Variants in SVEP1 observed in about 807,000 individuals in gnomAD.
SVEP1 encodes sushi, von Willebrand factor type A, EGF and pentraxin domain-containing protein 1.
A neutral mutation model predicts 367.3 loss-of-function variants in SVEP1; 164 were observed. The observed-to-expected ratio is 0.45, with a 90% CI of 0.39 to 0.51. The LOEUF is 0.51. Among genes scored for constraint, SVEP1 ranks in the 20% least tolerant of loss-of-function variants. The pLI is 0.00. For synonymous variants in SVEP1, 1,666 were observed against 1,611.6 expected (o/e 1.03, Z -0.81); for missense variants, 4,117 against 4,425.3 (o/e 0.93, Z 1.98).
chr9:110,486,358 G>A (rs1043924938), intron 9 of SVEP1, among the ~76,000 whole-genome samples: 6 of 152,142 alleles, frequency 3.9e-5, no homozygotes, highest in Admixed American at 6.5e-5. Context: ...AATTGGAGGC[G>A]ACAGCAGATG....
At position 110,365,288 on chromosome 9, in the gene SVEP1, A is replaced by G. The variant is rs913519016; in HGVS notation, c.*1251T>C. 6 of 152,192 alleles carry G rather than the reference A, an allele frequency of 3.9e-5. No individual in the cohort carries two copies. The highest frequency in any genetic ancestry group is 2.6e-4 in the Admixed American group (4 of 15,280). The allele number at this position is 152,192 out of a possible 1,614,324, so 9.4% of individuals were successfully genotyped here. ...ACTATGAGTAAATTTATTGGAAAGT[A>G]GACTCATAAGCATGTAAGACTGGCC... On this transcript the variant is annotated 3_prime_UTR_variant, in exon 48 of 48. Coordinates refer to ENST00000374469, the MANE Select transcript of SVEP1 (RefSeq NM_153366.4).
chr9:110,457,250 A>G lies in SVEP1; in HGVS notation c.3673+6T>C, dbSNP rs1588062733. On this transcript the variant is annotated splice_donor_region_variant and intron_variant, in intron 21 of 47. Transcript: ENST00000374469. The stretch of plus-strand genomic sequence containing the variant: ...ATTAAAATCTACATTCCTCTTGGTT[A>G]TTTACCTGTATATCCAAGTGGACAG... 6.3e-7 allele frequency: 1 copy of G among 1,585,626 alleles called. No homozygotes were observed. Among genetic ancestry groups the G allele is most frequent in the East Asian group, 2.2e-5 (1 of 44,614 alleles).
intron 41 of SVEP1, among the ~76,000 whole-genome samples, chr9:110,387,812 T>C (rs1165488690): frequency 6.6e-6 from 1 of 152,224 alleles, no homozygotes; most frequent in Admixed American, 6.5e-5. Context: ...ATTTATTTCT[T>C]ACAACACTTA....
chr9:110,494,530 A>G (rs1829417036), intron 8 of SVEP1, among the ~76,000 whole-genome samples: 1 of 152,206 alleles, frequency 6.6e-6, no homozygotes, highest in Non-Finnish European at 1.5e-5. Flanking sequence ...AGACTATTCA[A>G]TATCAGTTAC....
In SVEP1 at chr9:110,521,683, T is replaced by G. The variant is rs538171270; in HGVS notation, c.965-7577A>C. On this transcript the variant is annotated intron_variant, in intron 3 of 47. Transcript: ENST00000374469. The stretch of plus-strand genomic sequence containing the variant: ...TTGTTGAAAGCTCTGTATTCTTTAT[T>G]GTCTTAAAGTGTTTACCATCTGGAT... 3.9e-5 allele frequency among the ~76,000 whole-genome samples: 6 copies of G among 152,346 alleles called. No individual in the cohort carries two copies. In the East Asian group the frequency reaches 1.2e-3, roughly 29 times the overall value.
intron 3 of SVEP1, among the ~76,000 whole-genome samples, chr9:110,536,904 A>G (rs1171012529): frequency 6.6e-6 from 1 of 151,972 alleles, no homozygotes; most frequent in African/African-American, 2.4e-5. Flanking sequence ...TTCATCTTGC[A>G]TAACTAAAAC....
intron 22 of SVEP1, among the ~76,000 whole-genome samples, chr9:110,451,811 A>AAAAT (rs1171686366): frequency 6.6e-6 from 1 of 152,226 alleles, no homozygotes; most frequent in Non-Finnish European, 1.5e-5. Flanking sequence ...TTGAATGAAG[A>AAAAT]AAATAACTCA....
At chr9:110,555,762 T>C (rs923218254) in intron 1 of SVEP1, among the ~76,000 whole-genome samples, 1 of 152,108 alleles carries the variant, frequency 6.6e-6, no homozygotes, top group Non-Finnish European at 1.5e-5. Flanking sequence ...GGGTTTGGAA[T>C]GCACTTTAAG....
At chr9:110,525,762 TG>T (rs1435948744) in intron 3 of SVEP1, among the ~76,000 whole-genome samples, 1 of 151,784 alleles carries the variant, frequency 6.6e-6, no homozygotes, top group African/African-American at 2.4e-5. Context: ...TGTGCCTGGC[TG>T]ATTTTTTTTT....
At chr9:110,481,118 C>A in intron 12 of SVEP1, 124 bp downstream of exon 12, 1 of 665,770 alleles carries the variant, frequency 1.5e-6, no homozygotes, top group Non-Finnish European at 2.3e-6. Context: ...TATTCACAAA[C>A]ATTTCAAATT....
rs141447764 is a variant in SVEP1, at chr9:110,407,002, C to T, written c.8598G>A (p.Glu2866=). Residue 2866 remains glutamate, a synonymous_variant, in exon 38 of 48, where the codon GAG becomes GAA. Coordinates refer to ENST00000374469, the MANE Select transcript of SVEP1 (RefSeq NM_153366.4). ...CAAGACAAACCCGACTCCTGGCTCC[C>T]TCAAGCAAGAACCCTTCATTGCAAG... is the stretch of plus-strand genomic sequence containing the variant. ...EYTCNEGFLL[E]GARSRVCLAN... 3.1e-6 allele frequency: 5 copies of T among 1,613,996 alleles called. No homozygotes were observed. The highest frequency in any genetic ancestry group is 2.5e-6 in the Non-Finnish European group (3 of 1,179,898).
chr9:110,505,154 AT>A (rs1158730984), intron 5 of SVEP1, among the ~76,000 whole-genome samples: 1 of 152,122 alleles, frequency 6.6e-6, no homozygotes, highest in East Asian at 1.9e-4. Context: ...TGTCCTCAAC[AT>A]TACATCAGAG....
chr9:110,529,371 T>C (rs183935825), intron 3 of SVEP1, among the ~76,000 whole-genome samples: 38 of 152,272 alleles, frequency 2.5e-4, no homozygotes, highest in Admixed American at 2.0e-3. Context: ...CATATGAATT[T>C]TAAGATTCTT....
At chr9:110,486,637 T>TC (rs1554718847) in intron 9 of SVEP1, among the ~76,000 whole-genome samples, 51 of 141,792 alleles carry the variant, frequency 3.6e-4, no homozygotes, top group Non-Finnish European at 5.9e-4. Context: ...TTCCTTCTCT[T>TC]TCTCTCTCTC....
chr9:110,484,147 T>C (rs574909954), intron 9 of SVEP1, among the ~76,000 whole-genome samples: 1 of 152,304 alleles, frequency 6.6e-6, no homozygotes, highest in Non-Finnish European at 1.5e-5. Context: ...AGAAGGACCA[T>C]GGGCCAGAGA....
In SVEP1 at chr9:110,408,514, T is replaced by C; in HGVS notation, c.7086A>G (p.Lys2362=). ...CATTCCATTGCTGGGATGGCAAGCA[T>C]TTCAGGACAGAGGGGCCTTGCAGGA... ...GHVLQGPSVL[K]CLPSQQWNDS... Residue 2362 remains lysine, a synonymous_variant, in exon 38 of 48, where the codon AAA becomes AAG. Transcript: ENST00000374469. The C allele has an allele frequency of 6.2e-7, 1 of 1,613,826 alleles. No individual in the cohort carries two copies. The highest frequency in any genetic ancestry group is 8.5e-7 in the Non-Finnish European group (1 of 1,179,838).
At chr9:110,417,174 C>T (rs1341377353) in intron 36 of SVEP1, among the ~76,000 whole-genome samples, 7 of 150,900 alleles carry the variant, frequency 4.6e-5, no homozygotes, top group Admixed American at 1.3e-4. Context: ...ACGCAGAAGA[C>T]GGGTGATTTC....
chr9:110,491,044 A>G (rs547803698), intron 8 of SVEP1, among the ~76,000 whole-genome samples: 16 of 152,008 alleles, frequency 1.1e-4, no homozygotes, highest in Non-Finnish European at 2.2e-4. Context: ...ATTTGGAAAT[A>G]TATTTTCTGT....
rs780691813 is a variant in SVEP1, at chr9:110,459,070, G to A, written c.3366C>T (p.Pro1122=). 8.7e-6 allele frequency: 14 copies of A among 1,613,658 alleles called. No individual in the cohort carries two copies. The highest frequency in any genetic ancestry group is 1.7e-5 in the Admixed American group (1 of 59,986). Reference sequence around the variant, plus strand: ...AATAGTCACGAGGACATGGGTGACAGGGCATTAACCCAGAACGCGAGAATT... The same window carrying A: ...AATAGTCACGAGGACATGGGTGACAAGGCATTAACCCAGAACGCGAGAATT... ...EGKFSRSGLM[P]CHPCPRDYYQ... Residue 1122 remains proline, a synonymous_variant, in exon 19 of 48, where the codon CCC becomes CCT. Coordinates refer to ENST00000374469, the MANE Select transcript of SVEP1 (RefSeq NM_153366.4).
Sources: allele counts gnomAD v4.1 joint callset (sites outside exome capture counted in the v4.1 genomes callset), GRCh38; gene constraint gnomAD v4.1.1; transcripts MANE v1.5; gene names NCBI Gene and HGNC (gene_info 2026-07-23, HGNC 2026-07-21).